Variants in HIVEP2 observed in about 807,000 individuals in gnomAD.
HIVEP2 encodes the protein HIVEP zinc finger 2.
HIVEP2 carries 14 observed loss-of-function variants against 180.7 expected under a neutral mutation model. The observed-to-expected ratio is 0.08, with a 90% CI of 0.05 to 0.12. The LOEUF (loss-of-function observed/expected upper bound fraction) is 0.12, where lower values mean the gene tolerates loss of function less well. Among genes scored for constraint, HIVEP2 ranks in the 10% least tolerant of loss-of-function variants. The pLI, the probability that HIVEP2 is intolerant of heterozygous loss-of-function variation, is 1.00. For missense variants in HIVEP2, 2,579 were observed against 3,008.5 expected (o/e 0.86, Z 3.34); for synonymous variants, 1,184 against 1,136.4 (o/e 1.04, Z -0.84).
intron 1 of HIVEP2, among the ~76,000 whole-genome samples, chr6:142,906,415 A>G (rs769465571): frequency 1.3e-5 from 2 of 152,056 alleles, no homozygotes; most frequent in Non-Finnish European, 2.9e-5. Context: ...AATAAATTAG[A>G]AAAGATATGC....
chr6:142,828,057 A>T lies in HIVEP2; in HGVS notation c.-528+8878T>A, dbSNP rs1774961072. Among the ~76,000 whole-genome samples the T allele has an allele frequency of 2.6e-5, 4 of 152,326 alleles. 1 individual carries two copies. In the South Asian group the frequency reaches 8.3e-4, roughly 32 times the overall value. Reference sequence around the variant, plus strand: ...ATTCACACAGCATTCTTAAATTGCCAAATCCATTGGTCCTTTCTTAGATCA... The same window carrying T: ...ATTCACACAGCATTCTTAAATTGCCTAATCCATTGGTCCTTTCTTAGATCA... On this transcript the variant is annotated intron_variant, in intron 2 of 9. Transcript: ENST00000367603.
chr6:142,793,659 T>TC (rs3057479), intron 2 of HIVEP2, among the ~76,000 whole-genome samples: 24,716 of 101,706 alleles, frequency 0.24, 4,423 homozygotes, highest in East Asian at 0.45. Context: ...TTTCTTTCTT[T>TC]TTTCTTTCTT....
chr6:142,828,774 G>A (rs1774987277), intron 2 of HIVEP2, among the ~76,000 whole-genome samples: 1 of 152,108 alleles, frequency 6.6e-6, no homozygotes, highest in Admixed American at 6.5e-5. Context: ...AGCTACTTGA[G>A]AACAGGACCA....
chr6:142,773,520 C>T lies in HIVEP2; in HGVS notation c.1219G>A (p.Ala407Thr), dbSNP rs1775611740. The T allele has an allele frequency of 6.2e-7, 1 of 1,614,114 alleles. No homozygotes were observed. The highest frequency in any genetic ancestry group is 8.5e-7 in the Non-Finnish European group (1 of 1,180,038). ...TTGGGAGGGCTTATTTGCTGCTCAG[C>T]ACTTTCTGAGCGAGAAAAGTAACCA... is the stretch of plus-strand genomic sequence containing the variant. The part of the protein sequence containing the change: ...DSGYFSRSES[A>T]EQQISPPNTN... Residue 407 changes from alanine (A) to threonine (T), a missense_variant, in exon 5 of 10, where the codon GCT (alanine) becomes ACT (threonine). Physicochemically the swap from Ala to Thr is moderately conservative, Grantham distance 58 (BLOSUM62 0). This residue lies in a region of HIVEP2 where 47 missense variants were observed against 92.5 expected (regional missense o/e 0.51). Coordinates refer to ENST00000367603, the MANE Select transcript of HIVEP2 (RefSeq NM_006734.4).
At chr6:142,826,614 G>A (rs778997834) in intron 2 of HIVEP2, among the ~76,000 whole-genome samples, 2 of 152,172 alleles carry the variant, frequency 1.3e-5, no homozygotes, top group Non-Finnish European at 2.9e-5. Context: ...AATAGGTAAA[G>A]CCTGATAAGA....
intron 1 of HIVEP2, among the ~76,000 whole-genome samples, chr6:142,860,639 C>T (rs980610517): frequency 6.6e-6 from 1 of 152,180 alleles, no homozygotes; most frequent in Non-Finnish European, 1.5e-5. Context: ...ACCTAGATCC[C>T]TGGCATGCGC....
chr6:142,818,838 C>T (rs541511802), intron 2 of HIVEP2, among the ~76,000 whole-genome samples: 1 of 149,986 alleles, frequency 6.7e-6, no homozygotes, highest in Admixed American at 6.6e-5. Context: ...AAACCCAGTC[C>T]ATTAAAAAAT....
At chr6:142,928,869 C>T (rs939422693) in intron 1 of HIVEP2, among the ~76,000 whole-genome samples, 6 of 152,152 alleles carry the variant, frequency 3.9e-5, no homozygotes, top group African/African-American at 1.4e-4. Flanking sequence ...GTGGCCAGTG[C>T]CCCTGAGTGT....
rs781256986 is a variant in HIVEP2 at position 142,774,531 on chromosome 6, C to A, written c.208G>T (p.Ala70Ser). The A allele has an allele frequency of 7.4e-6, 12 of 1,614,178 alleles. No individual in the cohort carries two copies. In the South Asian group the frequency reaches 1.3e-4, roughly 18 times the overall value. ...SAQLFGSGKL[A>S]SPSEVVQQVA... is the part of the protein sequence containing the mutation. ...TGCTGCACCACTTCACTAGGGGAGG[C>A]CAGTTTCCCAGAACCAAACAGTTGT... The change falls in exon 5 of 10, where the codon GCC becomes TCC. Residue 70 changes from alanine (A) to serine (S), a missense_variant. Physicochemically the swap from Ala to Ser is moderately conservative, Grantham distance 99 (BLOSUM62 1). Transcript: ENST00000367603. The surrounding 1 kb of genome is among the most constrained non-coding windows in gnomAD (Gnocchi z 5.1).
chr6:142,804,300 T>G (rs971539975), intron 2 of HIVEP2, among the ~76,000 whole-genome samples: 1 of 152,090 alleles, frequency 6.6e-6, no homozygotes, highest in Non-Finnish European at 1.5e-5. Flanking sequence ...ATTGATTGAG[T>G]GTCCCACAAA....
At chr6:142,935,704 C>T (rs919450611) in intron 1 of HIVEP2, among the ~76,000 whole-genome samples, 4 of 152,170 alleles carry the variant, frequency 2.6e-5, no homozygotes, top group African/African-American at 2.4e-5. Context: ...CCATTTGGAC[C>T]GTAAGCTTCT....
At chr6:142,781,267 G>A (rs752271018) in intron 3 of HIVEP2, among the ~76,000 whole-genome samples, 1 of 152,142 alleles carries the variant, frequency 6.6e-6, no homozygotes, top group Non-Finnish European at 1.5e-5. Flanking sequence ...AATGCAGTAT[G>A]AGAGTAATTC....
intron 1 of HIVEP2, among the ~76,000 whole-genome samples, chr6:142,937,086 G>A (rs1778076345): frequency 6.6e-6 from 1 of 152,156 alleles, no homozygotes; most frequent in Non-Finnish European, 1.5e-5. Context: ...TATTTTTAGA[G>A]CAAAAACTTC....
In HIVEP2 at chr6:142,814,290, C is replaced by T. The variant is rs577848971; in HGVS notation, c.-528+22645G>A. On this transcript the variant is annotated intron_variant, in intron 2 of 9. Transcript: ENST00000367603. ...TGGGAATAAATAAATGTTGGTATTA[C>T]TAATGTATACCCTAAAGCACTGGGA... Among the ~76,000 whole-genome samples the T allele has an allele frequency of 5.3e-5, 8 of 152,224 alleles. No homozygotes were observed. In the South Asian group the frequency reaches 1.0e-3, roughly 20 times the overall value.
intron 5 of HIVEP2, 134 bp downstream of exon 5, chr6:142,769,418 A>T (rs1775462499): frequency 1.4e-6 from 1 of 739,090 alleles, no homozygotes; most frequent in Admixed American, 2.9e-5. Context: ...GTAAGGCCAG[A>T]CTTTCTGAAA....
intron 2 of HIVEP2, among the ~76,000 whole-genome samples, chr6:142,808,544 A>G (rs1776609937): frequency 7.0e-6 from 1 of 142,650 alleles, no homozygotes; most frequent in Non-Finnish European, 1.5e-5. Context: ...AGGGATGAAG[A>G]AAGGGATGGA....
At chr6:142,785,132 A>C (rs1775955145) in intron 2 of HIVEP2, among the ~76,000 whole-genome samples, 1 of 151,662 alleles carries the variant, frequency 6.6e-6, no homozygotes, top group Non-Finnish European at 1.5e-5. Context: ...CTCGTGATCC[A>C]CCTGCCTTGG....
chr6:142,845,467 T>G (rs916112654), intron 1 of HIVEP2, among the ~76,000 whole-genome samples: 2 of 152,234 alleles, frequency 1.3e-5, no homozygotes, highest in African/African-American at 4.8e-5. Flanking sequence ...TGACTAATTA[T>G]TAGGCGTAGT....
chr6:142,822,405 T>G (rs1777064820), intron 2 of HIVEP2, among the ~76,000 whole-genome samples: 1 of 152,224 alleles, frequency 6.6e-6, no homozygotes, highest in Admixed American at 6.5e-5. Flanking sequence ...GGTCTAATAT[T>G]CACCATAATT....
Sources: gnomAD v4.1 joint callset for allele counts (sites outside exome capture counted in the v4.1 genomes callset) on GRCh38, gnomAD v4.1.1 for gene constraint, gnomAD v4.1.1 regional missense constraint, Gnocchi (gnomAD v3.1) non-coding constraint, MANE v1.5 for transcripts, NCBI Gene and HGNC (gene_info 2026-07-23, HGNC 2026-07-21) for gene names.